Variants in LAMA2 observed in about 807,000 individuals in gnomAD.
LAMA2 encodes the protein laminin subunit alpha 2, also known as laminin subunit alpha-2.
A neutral mutation model predicts 364.8 loss-of-function variants in LAMA2; 269 were observed. The observed-to-expected ratio is 0.74, with a 90% confidence interval of 0.67 to 0.82. The LOEUF (loss-of-function observed/expected upper bound fraction) is 0.82. LAMA2 is among the 40% of genes least tolerant of loss of function. LAMA2 has a pLI of 0.00. For missense variants in LAMA2, 3,807 were observed against 3,873.2 expected (o/e 0.98, Z 0.45); for synonymous variants, 1,379 against 1,370.6 (o/e 1.01, Z -0.14).
chr6:129,005,091 A>G (rs73588865), intron 1 of LAMA2, among the ~76,000 whole-genome samples: 3,750 of 152,192 alleles, frequency 0.025, 143 homozygotes, highest in African/African-American at 0.086. Context: ...GTTTTATTTT[A>G]AATAAAAAGT....
intron 12 of LAMA2, among the ~76,000 whole-genome samples, chr6:129,215,391 A>T (rs934821060): frequency 1.3e-5 from 2 of 152,134 alleles, no homozygotes; most frequent in Non-Finnish European, 2.9e-5. Context: ...AAAGCTTCTG[A>T]CTTCCACTCC....
intron 30 of LAMA2, among the ~76,000 whole-genome samples, chr6:129,343,044 A>C (rs149757278): frequency 6.6e-6 from 1 of 152,272 alleles, no homozygotes; most frequent in African/African-American, 2.4e-5. Context: ...CCTAAGAAGA[A>C]ACAAAAGCTG....
At chr6:129,201,901 C>A (rs1782312669) in intron 12 of LAMA2, among the ~76,000 whole-genome samples, 1 of 151,912 alleles carries the variant, frequency 6.6e-6, no homozygotes, top group South Asian at 2.1e-4. Context: ...CAGAAAAAAA[C>A]TAACATGGCC....
At chr6:129,428,150 C>G (rs1392313054) in intron 41 of LAMA2, among the ~76,000 whole-genome samples, 1 of 152,166 alleles carries the variant, frequency 6.6e-6, no homozygotes, top group East Asian at 1.9e-4. Flanking sequence ...CAAACCCAGG[C>G]CAGCCATAGT....
At chr6:129,060,729 ATTTTCC>A (rs1377820469) in intron 3 of LAMA2, among the ~76,000 whole-genome samples, 3 of 152,148 alleles carry the variant, frequency 2.0e-5, no homozygotes, top group Non-Finnish European at 4.4e-5. Flanking sequence ...AGCACAAGAC[ATTTTCC>A]TAATGGATGC....
chr6:129,392,845 G>T (rs1259866839), intron 36 of LAMA2, among the ~76,000 whole-genome samples, 200 bp from the exon 37 acceptor site: 1 of 151,926 alleles, frequency 6.6e-6, no homozygotes, highest in Non-Finnish European at 1.5e-5. Flanking sequence ...AATCTGTTTC[G>T]CTTTTATTTT....
chr6:128,929,625 C>G, intron 1 of LAMA2: 1 of 1,397,026 alleles, frequency 7.2e-7, no homozygotes. Context: ...CGATGCTGAC[C>G]TGCTCAAATA....
At chr6:129,116,831 T>A (rs1776510859) in intron 4 of LAMA2, among the ~76,000 whole-genome samples, 1 of 152,054 alleles carries the variant, frequency 6.6e-6, no homozygotes, top group Admixed American at 6.6e-5. Context: ...TGCTCAATAA[T>A]ACTAGATGAG....
At chr6:128,951,488 T>C (rs1229025455) in intron 1 of LAMA2, among the ~76,000 whole-genome samples, 1 of 152,160 alleles carries the variant, frequency 6.6e-6, no homozygotes, top group African/African-American at 2.4e-5. Context: ...AATGAAAATA[T>C]TTCATTTGTA....
chr6:128,974,163 T>C (rs1225073079), intron 1 of LAMA2, among the ~76,000 whole-genome samples: 1 of 152,218 alleles, frequency 6.6e-6, no homozygotes. Flanking sequence ...ACACCATTTA[T>C]GTCCAGTTAA....
chr6:128,943,382 C>A (rs1045680464), intron 1 of LAMA2, among the ~76,000 whole-genome samples: 19 of 152,094 alleles, frequency 1.2e-4, no homozygotes, highest in Admixed American at 7.9e-4. Context: ...CTCCCAGACT[C>A]AAGCAATTCT....
intron 7 of LAMA2, among the ~76,000 whole-genome samples, chr6:129,149,978 G>A (rs541643370): frequency 5.3e-5 from 8 of 152,162 alleles, no homozygotes; most frequent in African/African-American, 1.7e-4. Flanking sequence ...GGGAGGTCCT[G>A]GAACCATTCC....
intron 4 of LAMA2, among the ~76,000 whole-genome samples, chr6:129,107,202 G>T (rs540189873): frequency 6.6e-6 from 1 of 152,282 alleles, no homozygotes; most frequent in East Asian, 1.9e-4. Context: ...GGTTCAGAAA[G>T]AAGAGTAAAC....
chr6:129,127,350 G>T (rs1777178269), intron 4 of LAMA2, among the ~76,000 whole-genome samples: 2 of 152,154 alleles, frequency 1.3e-5, no homozygotes, highest in African/African-American at 4.8e-5. Flanking sequence ...CTTTCCAAAT[G>T]ACAGAATTTT....
intron 12 of LAMA2, among the ~76,000 whole-genome samples, chr6:129,233,483 G>A (rs1452795283): frequency 6.6e-6 from 1 of 152,046 alleles, no homozygotes; most frequent in Non-Finnish European, 1.5e-5. Flanking sequence ...TTATAATAAA[G>A]TGTGTTAGAG....
intron 32 of LAMA2, among the ~76,000 whole-genome samples, chr6:129,356,641 C>T (rs1373509099): frequency 6.6e-6 from 1 of 152,064 alleles, no homozygotes; most frequent in Non-Finnish European, 1.5e-5. Flanking sequence ...ACAGAGAAAG[C>T]AAACGTGGTT....
At chr6:129,144,271 T>G (rs538340373) in intron 5 of LAMA2, among the ~76,000 whole-genome samples, 191 bp downstream of exon 5, 13 of 152,040 alleles carry the variant, frequency 8.6e-5, no homozygotes, top group Non-Finnish European at 1.3e-4. Flanking sequence ...AGATCCAAGC[T>G]GTGCCGCTTA....
chr6:129,287,872 C>A lies in LAMA2; in HGVS notation c.2563C>A (p.Pro855Thr). Residue 855 changes from proline to threonine, a missense_variant, in exon 19 of 65, where the codon CCC becomes ACC. Physicochemically the swap from Pro to Thr is conservative, Grantham distance 38. Transcript: ENST00000421865. ...GTGTGCAGAAGGCTATTTTGGACAA[C>A]CCTCTGTACCTGGAGGATCATGTCA... Reference protein sequence around the residue: ...ERCAEGYFGQPSVPGGSCQPC... With the variant: ...ERCAEGYFGQTSVPGGSCQPC... 1 of 1,613,904 alleles carries A rather than the reference C, an allele frequency of 6.2e-7. No homozygotes were observed. The highest frequency in any genetic ancestry group is 8.5e-7 in the Non-Finnish European group (1 of 1,179,844).
chr6:129,284,166 T>C (rs920159006), intron 18 of LAMA2, among the ~76,000 whole-genome samples: 1 of 152,118 alleles, frequency 6.6e-6, no homozygotes, highest in Non-Finnish European at 1.5e-5. Flanking sequence ...TTATGTCAAA[T>C]GGGAGGAAGT....
Sources: gnomAD v4.1 joint callset for allele counts (sites outside exome capture counted in the v4.1 genomes callset) on GRCh38, gnomAD v4.1.1 for gene constraint, MANE v1.5 for transcripts, NCBI Gene and HGNC (gene_info 2026-07-23, HGNC 2026-07-21) for gene names.